Variants in TBC1D32 observed in about 807,000 individuals in gnomAD.
The protein encoded by TBC1D32 is TBC1 domain family member 32.
TBC1D32 carries 151 observed loss-of-function variants against 170.3 expected under a neutral mutation model. That is an observed-to-expected ratio of 0.89 (90% CI 0.78 to 1.01). The LOEUF (loss-of-function observed/expected upper bound fraction) is 1.01. TBC1D32 is among the 50% of genes least tolerant of loss of function. TBC1D32 has a pLI of 0.00. For missense variants in TBC1D32, 1,464 were observed against 1,457.1 expected, an observed-to-expected ratio of 1.00 and a Z score of -0.08; for synonymous variants, 498 against 488.0, an observed-to-expected ratio of 1.02 and a Z score of -0.27.
intron 15 of TBC1D32, among the ~76,000 whole-genome samples, chr6:121,263,469 A>G (rs570478588): frequency 5.1e-4 from 77 of 152,194 alleles, no homozygotes; most frequent in Non-Finnish European, 8.1e-4. Flanking sequence ...AAAGCGGCTT[A>G]GACTACCACA....
intron 22 of TBC1D32, among the ~76,000 whole-genome samples, chr6:121,181,502 C>G (rs942367626): frequency 1.3e-5 from 2 of 152,108 alleles, no homozygotes; most frequent in Non-Finnish European, 2.9e-5. Context: ...CCTTCTTGTA[C>G]AGCCTGCAGA....
intron 20 of TBC1D32, among the ~76,000 whole-genome samples, chr6:121,227,861 G>T (rs1562983025): frequency 6.6e-6 from 1 of 152,126 alleles, no homozygotes; most frequent in African/African-American, 2.4e-5. Context: ...AAAAGCTTGT[G>T]TGAGATCAGT....
chr6:121,329,653 A>C (rs899733518), intron 1 of TBC1D32, among the ~76,000 whole-genome samples: 9 of 151,760 alleles, frequency 5.9e-5, no homozygotes, highest in East Asian at 3.9e-4. Flanking sequence ...ACATCGTCTC[A>C]AAAAAAATAA....
intron 24 of TBC1D32, among the ~76,000 whole-genome samples, chr6:121,140,108 GGTCTTT>G (rs1490227722): frequency 6.6e-6 from 1 of 151,936 alleles, no homozygotes; most frequent in Non-Finnish European, 1.5e-5. Context: ...TTAGCATCAT[GGTCTTT>G]ACCTAAGAGC....
chr6:121,256,073 A>C lies in TBC1D32; in HGVS notation c.1935+11T>G. The C allele has an allele frequency of 2.5e-6, 4 of 1,601,492 alleles. No homozygotes were observed. The highest frequency in any genetic ancestry group is 2.7e-5 in the African/African-American group (2 of 74,022). ...TTGCAGGGAGAAAAAACGAAGCTTG[A>C]AAATACTTACCTTTTTCCATGCCTT... On this transcript the variant is annotated intron_variant, in intron 16 of 31. Transcript: ENST00000398212.
At chr6:121,215,411 T>A (rs949093760) in intron 21 of TBC1D32, among the ~76,000 whole-genome samples, 1 of 152,204 alleles carries the variant, frequency 6.6e-6, no homozygotes, top group African/African-American at 2.4e-5. Context: ...ACAATGAAGC[T>A]GGCATCATGG....
intron 20 of TBC1D32, among the ~76,000 whole-genome samples, chr6:121,237,950 C>T (rs1583338776): frequency 6.6e-6 from 1 of 151,984 alleles, no homozygotes. Flanking sequence ...TTCTATTATA[C>T]TCCCTGACAA....
At position 121,126,391 on chromosome 6, in the gene TBC1D32, T is replaced by A; in HGVS notation, c.2970A>T (p.Ser990=). 6.2e-7 allele frequency: 1 copy of A among 1,612,196 alleles called. No individual in the cohort carries two copies. The change falls in exon 26 of 32, where the codon TCA becomes TCT. Residue 990 remains serine, a synonymous_variant. Transcript: ENST00000398212. ...TESPSECYFP[S]VEYTATDANV... is the part of the protein sequence containing the mutation. ...TTTAAAATGTACCTGTATACTCCAC[T>A]GAAGGGAAGTAGCATTCAGATGGGC...
At chr6:121,194,708 GC>G (rs1790502687) in intron 22 of TBC1D32, among the ~76,000 whole-genome samples, 1 of 152,176 alleles carries the variant, frequency 6.6e-6, no homozygotes, top group Non-Finnish European at 1.5e-5. Flanking sequence ...CAGTGGCAAG[GC>G]CAGCAATATA....
At chr6:121,145,833 A>G (rs1156855127) in intron 24 of TBC1D32, among the ~76,000 whole-genome samples, 1 of 152,192 alleles carries the variant, frequency 6.6e-6, no homozygotes, top group African/African-American at 2.4e-5. Flanking sequence ...GATCTACCTG[A>G]ATAGGATTCA....
intron 20 of TBC1D32, among the ~76,000 whole-genome samples, chr6:121,231,078 G>A (rs1057262338): frequency 6.6e-6 from 1 of 152,060 alleles, no homozygotes; most frequent in African/African-American, 2.4e-5. Flanking sequence ...TAGAATAATA[G>A]TCTCCAATTC....
At chr6:121,250,093 G>A (rs1261861930) in intron 17 of TBC1D32, among the ~76,000 whole-genome samples, 1 of 151,928 alleles carries the variant, frequency 6.6e-6, no homozygotes, top group Non-Finnish European at 1.5e-5. Context: ...ATTATACAAG[G>A]CTATAGTTAC....
At chr6:121,312,689 T>C (rs1204343607) in intron 3 of TBC1D32, among the ~76,000 whole-genome samples, 1 of 152,184 alleles carries the variant, frequency 6.6e-6, no homozygotes, top group Non-Finnish European at 1.5e-5. Context: ...CACATAGCAA[T>C]ATATGCTATC....
chr6:121,086,535 C>T (rs890966667), intron 31 of TBC1D32, among the ~76,000 whole-genome samples: 2 of 152,210 alleles, frequency 1.3e-5, no homozygotes, highest in South Asian at 2.1e-4. Flanking sequence ...ATAGCACCAA[C>T]AAAAAATCCC....
intron 22 of TBC1D32, among the ~76,000 whole-genome samples, chr6:121,174,447 T>C (rs1787483274): frequency 2.0e-5 from 3 of 152,106 alleles, no homozygotes; most frequent in Admixed American, 2.0e-4. Context: ...AGACAGAACC[T>C]GGTAAAGTTA....
intron 30 of TBC1D32, 106 bp from the exon 31 acceptor site, chr6:121,091,147 G>A: frequency 2.2e-6 from 2 of 893,870 alleles, no homozygotes; most frequent in Non-Finnish European, 3.4e-6. Flanking sequence ...AAAAGCTTAG[G>A]GCTTAATCAA....
intron 22 of TBC1D32, 23 bp downstream of exon 22, chr6:121,205,052 A>G: frequency 3.0e-6 from 4 of 1,340,154 alleles, no homozygotes; most frequent in Non-Finnish European, 4.1e-6. Context: ...ATATAATATC[A>G]AAAGTAAAAT....
At chr6:121,287,637 T>C (rs1000382457) in intron 12 of TBC1D32, among the ~76,000 whole-genome samples, 1 of 152,138 alleles carries the variant, frequency 6.6e-6, no homozygotes, top group Non-Finnish European at 1.5e-5. Flanking sequence ...TGAACTCAGC[T>C]CTGCACCAAG....
At chr6:121,334,504 C>G, upstream of TBC1D32, 2 of 1,488,684 alleles carry the variant, frequency 1.3e-6, no homozygotes, top group Non-Finnish European at 1.8e-6. Context: ...CGCGCACGCG[C>G]ACCCCCACCC....
Sources: gnomAD v4.1 joint callset for allele counts (sites outside exome capture counted in the v4.1 genomes callset) on GRCh38, gnomAD v4.1.1 for gene constraint, MANE v1.5 for transcripts, NCBI Gene and HGNC (gene_info 2026-07-23, HGNC 2026-07-21) for gene names.